Variants in PRKAR1A observed in about 807,000 individuals in gnomAD.
The protein encoded by PRKAR1A is cAMP-dependent protein kinase type I-alpha regulatory subunit.
In PRKAR1A, 3 loss-of-function variants were observed where a neutral mutation model predicts 52.0. That is an observed-to-expected ratio of 0.06 (90% confidence interval 0.03 to 0.15). The LOEUF is 0.15. Ranked by LOEUF, PRKAR1A falls within the 10% of genes least tolerant of loss-of-function variation. PRKAR1A has a pLI of 1.00. For missense variants in PRKAR1A, 240 were observed against 477.4 expected (o/e 0.50, Z 4.63); for synonymous variants, 188 against 168.4 (o/e 1.12, Z -0.90).
the PRKAR1A span, among the ~76,000 whole-genome samples, chr17:68,471,448 C>T: frequency 2.0e-5 from 3 of 152,172 alleles, no homozygotes; most frequent in African/African-American, 4.8e-5. Flanking sequence ...AGACATAGAC[C>T]TTGATGTGTG....
At chr17:68,431,779 G>A in the PRKAR1A span, among the ~76,000 whole-genome samples, 4 of 152,298 alleles carry the variant, frequency 2.6e-5, no homozygotes, top group South Asian at 2.1e-4. Context: ...CAGGTTGAGC[G>A]GAGAACCCAG....
chr17:68,525,382 A>G (rs1324894486), intron 6 of PRKAR1A, among the ~76,000 whole-genome samples: 1 of 152,208 alleles, frequency 6.6e-6, no homozygotes, highest in African/African-American at 2.4e-5. Flanking sequence ...TGGGGACAAT[A>G]ATAGCATTGA....
chr17:68,436,533 C>A, the PRKAR1A span: 23 of 1,551,168 alleles, frequency 1.5e-5, no homozygotes, highest in South Asian at 2.3e-4. Context: ...AGAGATTGCA[C>A]GGCTGGAGAG....
At chr17:68,535,918 G>GT (rs1469508754), downstream of PRKAR1A, 1 of 454,088 alleles carries the variant, frequency 2.2e-6, no homozygotes, top group Admixed American at 2.3e-5. Flanking sequence ...ACTAAATTGT[G>GT]TGATTTTGCT....
chr17:68,427,305 C>A, the PRKAR1A span: 5 of 1,342,272 alleles, frequency 3.7e-6, no homozygotes, highest in African/African-American at 5.8e-5. Context: ...CATCATATAT[C>A]TAGGACACCT....
At chr17:68,544,262 C>A (rs1189398805) in intron 11 of PRKAR1A, among the ~76,000 whole-genome samples, 1 of 152,100 alleles carries the variant, frequency 6.6e-6, no homozygotes, top group Non-Finnish European at 1.5e-5. Context: ...CTCAGAGAAA[C>A]ACAGCCGGAT....
chr17:68,422,010 C>T, the PRKAR1A span: 1 of 639,962 alleles, frequency 1.6e-6, no homozygotes, highest in Non-Finnish European at 2.8e-6. Flanking sequence ...AAGTATGACA[C>T]AGTTCTAGAA....
the PRKAR1A span, chr17:68,444,710 A>G: frequency 1.4e-6 from 1 of 723,080 alleles, no homozygotes; most frequent in Non-Finnish European, 2.2e-6. Context: ...CAGAATTTTG[A>G]TGATGCATTT....
At chr17:68,441,706 C>T in the PRKAR1A span, among the ~76,000 whole-genome samples, 1 of 152,162 alleles carries the variant, frequency 6.6e-6, no homozygotes, top group African/African-American at 2.4e-5. Context: ...CCCACCTTTG[C>T]CCACCCAGGC....
At chr17:68,431,707 G>A in the PRKAR1A span, among the ~76,000 whole-genome samples, 10 of 8,780 alleles carry the variant, frequency 1.1e-3, no homozygotes, top group African/African-American at 5.3e-3. Flanking sequence ...CCTGGCCAGC[G>A]AAGCAGGGCT....
chr17:68,539,956 GTC>G (rs1401308919), intron 11 of PRKAR1A: 13 of 1,613,992 alleles, frequency 8.1e-6, no homozygotes, highest in Non-Finnish European at 1.1e-5. Flanking sequence ...AATGGTGCCG[GTC>G]CATATTCCCT....
the PRKAR1A span, chr17:68,451,009 T>C: frequency 7.1e-7 from 1 of 1,413,078 alleles, no homozygotes; most frequent in Non-Finnish European, 9.4e-7. Context: ...TCTCCGGGTC[T>C]TGCCGGCCAG....
At chr17:68,431,444 G>C in the PRKAR1A span, among the ~76,000 whole-genome samples, 1 of 152,078 alleles carries the variant, frequency 6.6e-6, no homozygotes, top group African/African-American at 2.4e-5. Context: ...GGAGGTTCTG[G>C]GGGTGGTGGC....
At chr17:68,489,752 C>T in the PRKAR1A span, among the ~76,000 whole-genome samples, 2 of 151,452 alleles carry the variant, frequency 1.3e-5, no homozygotes, top group Non-Finnish European at 2.9e-5. Context: ...GACGGGGTTT[C>T]GCCACGTTGG....
the PRKAR1A span, chr17:68,413,891 T>G: frequency 1.3e-5 from 2 of 152,490 alleles, no homozygotes; most frequent in African/African-American, 4.8e-5. Context: ...GTGCCGTCTG[T>G]CACCCCTTTC....
chr17:68,547,593 G>A (rs1187361408), intron 11 of PRKAR1A, among the ~76,000 whole-genome samples: 1 of 152,206 alleles, frequency 6.6e-6, no homozygotes, highest in Non-Finnish European at 1.5e-5. Flanking sequence ...CCTTAAGCCT[G>A]GTGAACTAAC....
chr17:68,533,506 T>G, downstream of PRKAR1A: 1 of 852,356 alleles, frequency 1.2e-6, no homozygotes, highest in Non-Finnish European at 1.4e-6. Flanking sequence ...TTTTTTTTGT[T>G]TCTTTTATTT....
the PRKAR1A span, among the ~76,000 whole-genome samples, chr17:68,442,814 G>A: frequency 6.6e-5 from 10 of 152,132 alleles, no homozygotes; most frequent in South Asian, 2.1e-4. Context: ...GGCTGCTGGC[G>A]CACCTGTCTC....
Position 68,515,459 on chromosome 17 carries a change from C to T in PRKAR1A, c.60C>T (p.Leu20=), listed in dbSNP as rs372451862. The part of the protein sequence containing the change: ...EEARSLRECE[L]YVQKHNIQAL... ...CACGCAGCCTTCGAGAATGTGAGCT[C>T]TACGTCCAGAAGCATAACATTCAAG... is the stretch of plus-strand genomic sequence containing the variant. The change falls in exon 2 of 11, where the codon CTC becomes CTT. Residue 20 remains leucine, a synonymous_variant. Coordinates refer to ENST00000589228, the MANE Select transcript of PRKAR1A (RefSeq NM_002734.5). 3.7e-6 allele frequency: 6 copies of T among 1,613,548 alleles called. No individual in the cohort carries two copies. The highest frequency in any genetic ancestry group is 5.1e-6 in the Non-Finnish European group (6 of 1,180,056).
Sources: allele counts gnomAD v4.1 joint callset (sites outside exome capture counted in the v4.1 genomes callset), GRCh38; gene constraint gnomAD v4.1.1; transcripts MANE v1.5; gene names NCBI Gene and HGNC (gene_info 2026-07-23, HGNC 2026-07-21).